Variants in NFX1 observed in about 807,000 individuals in gnomAD.
NFX1 encodes nuclear transcription factor, X-box binding 1.
In NFX1, 69 loss-of-function variants were observed where a neutral mutation model predicts 137.2. That is an observed-to-expected ratio of 0.50 (90% CI 0.41 to 0.61). The LOEUF (loss-of-function observed/expected upper bound fraction) is 0.61. NFX1 is among the 20% of genes least tolerant of loss of function. NFX1 has a pLI of 0.00. For synonymous variants in NFX1, 495 were observed against 474.1 expected (o/e 1.04, Z -0.57); for missense variants, 1,167 against 1,391.0 (o/e 0.84, Z 2.56).
intron 19 of NFX1, among the ~76,000 whole-genome samples, chr9:33,359,651 A>G (rs1287596536): frequency 6.6e-6 from 1 of 152,156 alleles, no homozygotes; most frequent in Non-Finnish European, 1.5e-5. Context: ...CATGGGGAAA[A>G]CTTTAAGTAT....
chr9:33,321,201 A>T (rs1324552277), intron 9 of NFX1, among the ~76,000 whole-genome samples: 6 of 152,180 alleles, frequency 3.9e-5, no homozygotes, highest in Non-Finnish European at 1.5e-5. Context: ...ATGCAAAGGG[A>T]CTTGAGCAAG....
intron 19 of NFX1, among the ~76,000 whole-genome samples, chr9:33,361,665 C>T (rs1000865038): frequency 1.3e-4 from 20 of 151,868 alleles, no homozygotes; most frequent in Non-Finnish European, 2.2e-4. Context: ...CCCAGCTACT[C>T]GGGAGGCTGA....
At chr9:33,327,830 C>G (rs1229308977) in intron 9 of NFX1, among the ~76,000 whole-genome samples, 2 of 152,162 alleles carry the variant, frequency 1.3e-5, no homozygotes, top group Non-Finnish European at 2.9e-5. Flanking sequence ...GCAGGCACCA[C>G]CAGACATTCA....
In NFX1 at chr9:33,351,754, C is replaced by T; in HGVS notation, c.2619C>T (p.Thr873=). 1 of 1,604,768 alleles carries T rather than the reference C, an allele frequency of 6.2e-7. No homozygotes were observed. The highest frequency in any genetic ancestry group is 1.1e-5 in the South Asian group (1 of 89,546). ...ACCCGTGTATGGCACCCTGCCATACCAGCTCACCCTGCCCTGTGACTGCTT... is the reference window on the plus strand; with the variant it reads ...ACCCGTGTATGGCACCCTGCCATACTAGCTCACCCTGCCCTGTGACTGCTT... ...CGHPCMAPCH[T]SSPCPVTACK... is the part of the protein sequence containing the mutation. Residue 873 remains threonine, a synonymous_variant, in exon 16 of 24, where the codon ACC becomes ACT. Coordinates refer to ENST00000379540, the MANE Select transcript of NFX1 (RefSeq NM_002504.6).
rs1821272085 is a variant in NFX1, at chr9:33,294,471, A to C, written c.77A>C (p.Lys26Thr). 1 of 1,603,916 alleles carries C rather than the reference A, an allele frequency of 6.2e-7. No homozygotes were observed. Among genetic ancestry groups the C allele is most frequent in the Non-Finnish European group, 8.5e-7 (1 of 1,176,722 alleles). ...DAAEFIPQEK[K>T]NSGLNCGTQR... ...GCTGAATTCATTCCTCAGGAGAAAA[A>C]AAATTCTGGTCTAAATTGTGGGACT... The change falls in exon 2 of 24, where the codon AAA becomes ACA. Residue 26 changes from lysine (K) to threonine (T), a missense_variant. Around this residue, in one of 3 missense-constraint regions of NFX1, gnomAD observed 367 missense variants for 386.7 expected, o/e 0.95. Transcript: ENST00000379540.
intron 11 of NFX1, among the ~76,000 whole-genome samples, chr9:33,335,629 T>G (rs1049128610): frequency 1.3e-5 from 2 of 152,186 alleles, no homozygotes; most frequent in Non-Finnish European, 2.9e-5. Context: ...TCCTCCCATG[T>G]TGGCCTCCCA....
chr9:33,336,723 C>A (rs1823018220), intron 11 of NFX1, among the ~76,000 whole-genome samples: 1 of 152,048 alleles, frequency 6.6e-6, no homozygotes, highest in Non-Finnish European at 1.5e-5. Flanking sequence ...ACACAAGCCT[C>A]CCAAATAGCT....
Position 33,301,369 on chromosome 9 carries a change from G to T in NFX1, c.1140G>T (p.Val380=). Reference sequence around the variant, plus strand: ...GGAGTTGTCAGAGCTGTTACCATGTGTTTCATTTGAACTGCATAAAGAAAT... The same window carrying T: ...GGAGTTGTCAGAGCTGTTACCATGTTTTTCATTTGAACTGCATAAAGAAAT... ...PVWSCQSCYH[V]FHLNCIKKWA... The change falls in exon 3 of 24, where the codon GTG becomes GTT. Residue 380 remains valine (V), a synonymous_variant. Transcript: ENST00000379540. 6.2e-7 allele frequency: 1 copy of T among 1,614,138 alleles called. No individual in the cohort carries two copies. Among genetic ancestry groups the T allele is most frequent in the Non-Finnish European group, 8.5e-7 (1 of 1,180,008 alleles).
At chr9:33,331,163 C>CAA (rs998125512) in intron 10 of NFX1, among the ~76,000 whole-genome samples, 1 of 144,434 alleles carries the variant, frequency 6.9e-6, no homozygotes, top group Non-Finnish European at 1.5e-5. Flanking sequence ...AAGACTGTCT[C>CAA]AAAAAAAAAA....
At chr9:33,366,331 T>C (rs929910452) in intron 21 of NFX1, among the ~76,000 whole-genome samples, 7 of 152,190 alleles carry the variant, frequency 4.6e-5, no homozygotes, top group South Asian at 2.1e-4. Context: ...TCCCCAGTTA[T>C]GGAACCCATC....
At chr9:33,307,581 G>A (rs1821797525) in intron 5 of NFX1, among the ~76,000 whole-genome samples, 1 of 152,176 alleles carries the variant, frequency 6.6e-6, no homozygotes, top group South Asian at 2.1e-4. Flanking sequence ...GTGGATGGTG[G>A]AGCTAGGGTT....
chr9:33,312,228 T>C (rs1367999550), intron 6 of NFX1, among the ~76,000 whole-genome samples: 1 of 152,236 alleles, frequency 6.6e-6, no homozygotes, highest in African/African-American at 2.4e-5. Context: ...GTAAGTGTTT[T>C]GACTCAGAAA....
chr9:33,318,517 TC>T (rs1822259219), intron 7 of NFX1, among the ~76,000 whole-genome samples: 1 of 152,188 alleles, frequency 6.6e-6, no homozygotes, highest in South Asian at 2.1e-4. Flanking sequence ...TTTAATTTCT[TC>T]CTATGGTAAA....
At chr9:33,301,050 T>G (rs1474120112) in intron 2 of NFX1, among the ~76,000 whole-genome samples, 2 of 152,194 alleles carry the variant, frequency 1.3e-5, no homozygotes, top group Non-Finnish European at 2.9e-5. Context: ...CCCACCTGAG[T>G]GTCTCCTTCC....
intron 17 of NFX1, among the ~76,000 whole-genome samples, chr9:33,353,810 T>G (rs1435416971): frequency 6.7e-6 from 1 of 148,790 alleles, no homozygotes; most frequent in African/African-American, 2.5e-5. Flanking sequence ...TGCTTCAGCC[T>G]CCTGAGTAGC....
intron 2 of NFX1, among the ~76,000 whole-genome samples, chr9:33,298,993 A>G (rs922999916): frequency 6.6e-6 from 1 of 152,202 alleles, no homozygotes; most frequent in African/African-American, 2.4e-5. Flanking sequence ...TGGAATTGGC[A>G]TTTACTGAAG....
At chr9:33,311,040 T>C in intron 5 of NFX1, 66 bp from the exon 6 acceptor site, 1 of 1,466,176 alleles carries the variant, frequency 6.8e-7, no homozygotes, top group Non-Finnish European at 9.5e-7. Flanking sequence ...AAGACCCAGC[T>C]GGGACAGCTT....
chr9:33,302,357 A>ATTTTTTTTTTTTTTTTT (rs33976056), intron 3 of NFX1, among the ~76,000 whole-genome samples: 1 of 70,982 alleles, frequency 1.4e-5, no homozygotes. Flanking sequence ...ATCTAACTGT[A>ATTTTTTTTTTTTTTTTT]TTTTTTTTTT....
At chr9:33,367,675 G>C in intron 23 of NFX1, 56 bp downstream of exon 23, 1 of 1,553,244 alleles carries the variant, frequency 6.4e-7, no homozygotes, top group South Asian at 1.1e-5. Flanking sequence ...AAGCTAGCAG[G>C]GGCTGAATTG....
Sources: allele counts gnomAD v4.1 joint callset (sites outside exome capture counted in the v4.1 genomes callset), GRCh38; gene constraint gnomAD v4.1.1; regional missense constraint gnomAD v4.1.1; transcripts MANE v1.5; gene names NCBI Gene and HGNC (gene_info 2026-07-23, HGNC 2026-07-21).